Variants in ACOT7 observed in about 807,000 individuals in gnomAD.
ACOT7 encodes the protein acyl-CoA thioesterase 7, also known as cytosolic acyl coenzyme A thioester hydrolase.
In ACOT7, 12 loss-of-function variants were observed where a neutral mutation model predicts 40.2. That is an observed-to-expected ratio of 0.30 (90% CI 0.19 to 0.48). The LOEUF (loss-of-function observed/expected upper bound fraction) is 0.48. Ranked by LOEUF, ACOT7 falls within the 20% of genes least tolerant of loss-of-function variation. The probability of loss-of-function intolerance (pLI) is 0.99; values close to 1 mark genes in which losing one functional copy is unlikely to be tolerated. For synonymous variants in ACOT7, 228 were observed against 219.5 expected (o/e 1.04, Z -0.34); for missense variants, 395 against 530.8 (o/e 0.74, Z 2.51).
At chr1:6,270,896 C>G (rs541627620) in intron 8 of ACOT7, among the ~76,000 whole-genome samples, 1 of 152,162 alleles carries the variant, frequency 6.6e-6, no homozygotes, top group Non-Finnish European at 1.5e-5. Flanking sequence ...CTTAACGCAG[C>G]GGGCCCTTTA....
intron 6 of ACOT7, among the ~76,000 whole-genome samples, chr1:6,302,041 C>T (rs574376819): frequency 6.6e-6 from 1 of 152,326 alleles, no homozygotes; most frequent in African/African-American, 2.4e-5. Context: ...GCCAGGGGGG[C>T]TGTCGTAATC....
chr1:6,376,485 T>C (rs1422149216), intron 1 of ACOT7, among the ~76,000 whole-genome samples: 1 of 151,748 alleles, frequency 6.6e-6, no homozygotes, highest in Non-Finnish European at 1.5e-5. Context: ...TCCCAGCACT[T>C]TGGGAGGCTG....
chr1:6,340,257 C>A (rs1641240267), intron 2 of ACOT7, among the ~76,000 whole-genome samples: 1 of 152,148 alleles, frequency 6.6e-6, no homozygotes, highest in South Asian at 2.1e-4. Flanking sequence ...TGAGCCACCG[C>A]GCCCGGCCTA....
At chr1:6,378,011 A>G (rs1235608869) in intron 1 of ACOT7, among the ~76,000 whole-genome samples, 2 of 152,160 alleles carry the variant, frequency 1.3e-5, no homozygotes, top group African/African-American at 4.8e-5. Flanking sequence ...TGGAGCTTGC[A>G]GTGAGCCCAG....
chr1:6,307,081 C>A (rs1032192864), intron 6 of ACOT7, among the ~76,000 whole-genome samples: 1 of 152,218 alleles, frequency 6.6e-6, no homozygotes, highest in African/African-American at 2.4e-5. Flanking sequence ...GGCTCCCCAG[C>A]AGCTAGACAC....
At chr1:6,327,480 T>C in intron 4 of ACOT7, 67 bp from the exon 5 acceptor site, 6 of 1,464,260 alleles carry the variant, frequency 4.1e-6, no homozygotes, top group Non-Finnish European at 5.7e-6. Context: ...TGGGCGGCCA[T>C]GATCCCAGGC....
chr1:6,347,711 G>A (rs1277217146), intron 2 of ACOT7, among the ~76,000 whole-genome samples: 2 of 151,916 alleles, frequency 1.3e-5, no homozygotes, highest in East Asian at 1.9e-4. Context: ...ACATTGCAGT[G>A]AGCCGGGATC....
At position 6,282,099 on chromosome 1, in the gene ACOT7, C is replaced by A. The variant is rs769612766; in HGVS notation, c.830-813G>T. On this transcript the variant is annotated intron_variant, in intron 7 of 8. Coordinates refer to ENST00000361521, the MANE Select transcript of ACOT7 (RefSeq NM_007274.4). The surrounding 1 kb of genome is among the most constrained non-coding windows in gnomAD (Gnocchi z 4.5). ...CTAACCAACCTCTCTGTACGCCCCACGCTCCCCAGGGCACGACAGTCCATC... is the reference window on the plus strand; with the variant it reads ...CTAACCAACCTCTCTGTACGCCCCAAGCTCCCCAGGGCACGACAGTCCATC... 1.3e-5 allele frequency among the ~76,000 whole-genome samples: 2 copies of A among 152,156 alleles called. No homozygotes were observed. The highest frequency in any genetic ancestry group is 2.9e-5 in the Non-Finnish European group (2 of 68,022).
chr1:6,358,789 C>T lies in ACOT7; in HGVS notation c.144-8923G>A. 1 of 1,601,714 alleles carries T rather than the reference C, an allele frequency of 6.2e-7. No homozygotes were observed. Among genetic ancestry groups the T allele is most frequent in the Non-Finnish European group, 8.6e-7 (1 of 1,168,842 alleles). On this transcript the variant is annotated intron_variant, in intron 1 of 8. Transcript: ENST00000361521. This position sits in a 1 kb window ranked among gnomAD's most constrained non-coding sequence, Gnocchi z 4.1. ...CCCTAAACAATCCACCCACAGTGGC[C>T]CCTGCACGGCCTAGACATGCCCATG...
intron 1 of ACOT7, among the ~76,000 whole-genome samples, chr1:6,379,619 A>G (rs149493235): frequency 6.6e-6 from 1 of 151,456 alleles, no homozygotes; most frequent in Non-Finnish European, 1.5e-5. Context: ...ATGCACCACC[A>G]CACCTGGCTA....
At chr1:6,379,392 A>G (rs925652104) in intron 1 of ACOT7, among the ~76,000 whole-genome samples, 3 of 151,852 alleles carry the variant, frequency 2.0e-5, no homozygotes, top group African/African-American at 7.2e-5. Context: ...CTGGACCCCT[A>G]CCGCACATCA....
chr1:6,291,145 C>A (rs1173481713), intron 7 of ACOT7, among the ~76,000 whole-genome samples: 1 of 152,134 alleles, frequency 6.6e-6, no homozygotes, highest in Non-Finnish European at 1.5e-5. Context: ...CTAGTGGGTT[C>A]CCAAATGATA....
intron 6 of ACOT7, among the ~76,000 whole-genome samples, chr1:6,300,127 T>C (rs182363086): frequency 6.6e-4 from 100 of 152,254 alleles, no homozygotes; most frequent in African/African-American, 2.3e-3. Context: ...ATGTGCACTA[T>C]ATGTGGCCTT....
rs1641832107 is a variant in ACOT7 at position 6,359,180 on chromosome 1, G to C, written c.144-9314C>G. ...AGCGGCCTCAGGGAAGCGGCTATGA[G>C]GCTCTGCCTTCTCTGACAGGGCACA... is the stretch of plus-strand genomic sequence containing the variant. On this transcript the variant is annotated intron_variant, in intron 1 of 8. Transcript: ENST00000361521. This position sits in a 1 kb window ranked among gnomAD's most constrained non-coding sequence, Gnocchi z 4.1. 1 of 243,666 alleles carries C rather than the reference G, an allele frequency of 4.1e-6. No homozygotes were observed. The highest frequency in any genetic ancestry group is 2.3e-5 in the African/African-American group (1 of 44,042). The allele number at this position is 243,666 out of a possible 1,614,324, so 15.1% of individuals were successfully genotyped here.
intron 4 of ACOT7, among the ~76,000 whole-genome samples, chr1:6,329,576 G>C (rs1571312946): frequency 6.6e-6 from 1 of 151,868 alleles, no homozygotes; most frequent in Non-Finnish European, 1.5e-5. Context: ...GGCGCACAGG[G>C]AAATGATGGG....
chr1:6,268,780 C>T (rs150191359), intron 8 of ACOT7, among the ~76,000 whole-genome samples: 3,442 of 152,342 alleles, frequency 0.023, 57 homozygotes, highest in Non-Finnish European at 0.037. Flanking sequence ...AGCAGTGGAG[C>T]GGAGCCCTCG....
chr1:6,302,604 G>C (rs777609154), intron 6 of ACOT7, among the ~76,000 whole-genome samples: 2 of 152,072 alleles, frequency 1.3e-5, no homozygotes, highest in Non-Finnish European at 2.9e-5. Context: ...AAAAACCATG[G>C]TCTGTGTGTC....
chr1:6,392,906 G>A (rs1355128675), intron 1 of ACOT7, among the ~76,000 whole-genome samples: 4 of 152,136 alleles, frequency 2.6e-5, no homozygotes, highest in Non-Finnish European at 5.9e-5. Context: ...GAGGCCCGAG[G>A]CGGGGCGGCC....
chr1:6,387,052 G>C (rs1238536648), intron 1 of ACOT7, among the ~76,000 whole-genome samples: 1 of 152,090 alleles, frequency 6.6e-6, no homozygotes, highest in Non-Finnish European at 1.5e-5. Context: ...CAGGGAACAG[G>C]GTAATACAGG....
Sources: allele counts gnomAD v4.1 joint callset (sites outside exome capture counted in the v4.1 genomes callset), GRCh38; gene constraint gnomAD v4.1.1; non-coding constraint Gnocchi (gnomAD v3.1); transcripts MANE v1.5; gene names NCBI Gene and HGNC (gene_info 2026-07-23, HGNC 2026-07-21).